INPP5A: variants seen among roughly 807,000 people sequenced by gnomAD.
INPP5A encodes inositol polyphosphate-5-phosphatase A.
In INPP5A, 14 loss-of-function variants were observed where a neutral mutation model predicts 65.2. The observed-to-expected ratio is 0.21, with a 90% CI of 0.14 to 0.34. INPP5A has a LOEUF of 0.34. Among genes scored for constraint, INPP5A ranks in the 10% least tolerant of loss-of-function variants. The pLI is 1.00. For synonymous variants in INPP5A, 207 were observed against 208.3 expected (o/e 0.99, Z 0.05); for missense variants, 431 against 545.6 (o/e 0.79, Z 2.09).
intron 4 of INPP5A, among the ~76,000 whole-genome samples, chr10:132,689,201 G>A (rs1054200579): frequency 3.9e-5 from 6 of 152,212 alleles, no homozygotes; most frequent in African/African-American, 1.4e-4. Context: ...CTGAGGACAG[G>A]CCCTGTTCAG....
intron 11 of INPP5A, among the ~76,000 whole-genome samples, chr10:132,756,274 G>A (rs754034096): frequency 1.6e-4 from 24 of 152,034 alleles, no homozygotes; most frequent in African/African-American, 4.3e-4. Context: ...TGGTGTGTAC[G>A]CATGCGTGTG....
chr10:132,756,748 C>G (rs1259090815), intron 11 of INPP5A, among the ~76,000 whole-genome samples: 1 of 152,248 alleles, frequency 6.6e-6, no homozygotes, highest in Non-Finnish European at 1.5e-5. Flanking sequence ...TACCTGTAAA[C>G]AGCCTCAGGC....
chr10:132,669,421 C>G (rs116675332), intron 4 of INPP5A, among the ~76,000 whole-genome samples: 1 of 152,134 alleles, frequency 6.6e-6, no homozygotes, highest in Non-Finnish European at 1.5e-5. Flanking sequence ...TTCTTAACCT[C>G]AAGGCTTTCT....
chr10:132,641,344 T>G (rs1590887774), intron 2 of INPP5A, among the ~76,000 whole-genome samples: 1 of 152,210 alleles, frequency 6.6e-6, no homozygotes, highest in African/African-American at 2.4e-5. Context: ...ATATAAACTT[T>G]CTTGTTGTGC....
At position 132,782,250 on chromosome 10, in the gene INPP5A, G is replaced by GTT. The variant is rs5789138; in HGVS notation, c.*238_*239dup. On this transcript the variant is annotated 3_prime_UTR_variant, in exon 16 of 16. Coordinates refer to ENST00000368594, the MANE Select transcript of INPP5A (RefSeq NM_005539.5). This position sits in a 1 kb window ranked among gnomAD's most constrained non-coding sequence, Gnocchi z 4.4. ...TATGTGACATTAAGTAGAAATATTG[G>GTT]TTTTTTTTTTTTTTTTTTAAATAAG... The GTT allele has an allele frequency of 2.2e-4, 75 of 335,566 alleles. No individual in the cohort carries two copies. The highest frequency in any genetic ancestry group is 3.4e-4 in the African/African-American group (15 of 43,702). The allele number at this position is 335,566 out of a possible 1,614,324, so 20.8% of individuals were successfully genotyped here.
At chr10:132,708,450 A>G (rs1429273532) in intron 7 of INPP5A, 85 bp downstream of exon 7, 1 of 1,321,944 alleles carries the variant, frequency 7.6e-7, no homozygotes, top group Non-Finnish European at 1.1e-6. Flanking sequence ...CACACACCTC[A>G]TTGGAGGCTC....
rs542495924 is a variant in INPP5A at position 132,603,965 on chromosome 10, C to G, written c.76-3950C>G. On this transcript the variant is annotated intron_variant, in intron 1 of 15. Coordinates refer to ENST00000368594, the MANE Select transcript of INPP5A (RefSeq NM_005539.5). This position sits in a 1 kb window ranked among gnomAD's most constrained non-coding sequence, Gnocchi z 4.2. ...CGTCAAGGTCCCCTCTCCGTCCCGC[C>G]CTGCGCCGTCAGGGTCCCCTCTCCG... 6.6e-6 allele frequency among the ~76,000 whole-genome samples: 1 copy of G among 151,458 alleles called. No individual in the cohort carries two copies. Among genetic ancestry groups the G allele is most frequent in the Non-Finnish European group, 1.5e-5 (1 of 67,870 alleles).
chr10:132,778,087 G>A (rs1847095095), intron 13 of INPP5A, among the ~76,000 whole-genome samples: 1 of 152,198 alleles, frequency 6.6e-6, no homozygotes, highest in South Asian at 2.1e-4. Flanking sequence ...GTGGTTCATT[G>A]TATCCTTGGA....
intron 4 of INPP5A, among the ~76,000 whole-genome samples, chr10:132,680,858 A>G (rs879137855): frequency 1.6e-4 from 24 of 151,328 alleles, no homozygotes; most frequent in East Asian, 7.7e-4. Flanking sequence ...CGCTGCACTC[A>G]ATTTCTCGCT....
rs73397355 is a variant in INPP5A at position 132,586,661 on chromosome 10, C to T, written c.76-21254C>T. ...GGAGTGAAATGGCTGGTTACGGATA[C>T]GTGCGCCAGAGCCTCGTGGTGATGG... On this transcript the variant is annotated intron_variant, in intron 1 of 15. Coordinates refer to ENST00000368594, the MANE Select transcript of INPP5A (RefSeq NM_005539.5). Among the ~76,000 whole-genome samples the T allele has an allele frequency of 7.9e-5, 12 of 152,368 alleles. No individual in the cohort carries two copies. In the South Asian group the frequency reaches 1.7e-3, roughly 21 times the overall value.
intron 5 of INPP5A, among the ~76,000 whole-genome samples, chr10:132,690,960 C>T (rs1192276761): frequency 6.6e-6 from 1 of 152,136 alleles, no homozygotes; most frequent in African/African-American, 2.4e-5. Flanking sequence ...GGCTTCCGTG[C>T]GTGCTCCACA....
At chr10:132,718,237 A>T (rs368804469) in intron 8 of INPP5A, among the ~76,000 whole-genome samples, 2 of 60,196 alleles carry the variant, frequency 3.3e-5, no homozygotes, top group East Asian at 5.2e-4. Flanking sequence ...CTGTCTGGGC[A>T]CCTTAGACGG....
At chr10:132,646,428 C>A (rs1478307847) in intron 3 of INPP5A, among the ~76,000 whole-genome samples, 1 of 152,178 alleles carries the variant, frequency 6.6e-6, no homozygotes, top group Non-Finnish European at 1.5e-5. Flanking sequence ...TGCCCTGAGG[C>A]TTCTGACAGG....
chr10:132,582,569 C>T (rs762632391), intron 1 of INPP5A, among the ~76,000 whole-genome samples: 5 of 152,130 alleles, frequency 3.3e-5, no homozygotes, highest in Non-Finnish European at 7.4e-5. Context: ...AGGCATGCGC[C>T]ACCATGCCCA....
chr10:132,663,470 C>G lies in INPP5A; in HGVS notation c.306+12965C>G, dbSNP rs1177854722. On this transcript the variant is annotated intron_variant, in intron 4 of 15. Coordinates refer to ENST00000368594, the MANE Select transcript of INPP5A (RefSeq NM_005539.5). This position sits in a 1 kb window ranked among gnomAD's most constrained non-coding sequence, Gnocchi z 4.5. ...TCCTGGCCTCAAGTGATCCTCTTGC[C>G]TTGGCCTCTCAAAGTGCTGGGATTA... 6.6e-6 allele frequency among the ~76,000 whole-genome samples: 1 copy of G among 152,208 alleles called. No homozygotes were observed. Among genetic ancestry groups the G allele is most frequent in the Non-Finnish European group, 1.5e-5 (1 of 68,046 alleles).
At chr10:132,564,677 TG>T (rs752773095) in intron 1 of INPP5A, among the ~76,000 whole-genome samples, 4 of 152,188 alleles carry the variant, frequency 2.6e-5, no homozygotes, top group African/African-American at 4.8e-5. Flanking sequence ...CAAATGGCAG[TG>T]AGTGCAGGGC....
chr10:132,749,753 G>A lies in INPP5A; in HGVS notation c.829-18G>A. On this transcript the variant is annotated intron_variant, in intron 10 of 15. Coordinates refer to ENST00000368594, the MANE Select transcript of INPP5A (RefSeq NM_005539.5). ...GCTGGGGGAGCTCAGGTGCTCATGGGCCACTCTGACTTCACAGGTTATGCT... is the reference window on the plus strand; with the variant it reads ...GCTGGGGGAGCTCAGGTGCTCATGGACCACTCTGACTTCACAGGTTATGCT... The A allele has an allele frequency of 1.9e-6, 3 of 1,612,340 alleles. No individual in the cohort carries two copies. Among genetic ancestry groups the A allele is most frequent in the South Asian group, 2.2e-5 (2 of 91,084 alleles).
Position 132,547,748 on chromosome 10 carries a change from C to T in INPP5A, c.75+9577C>T, listed in dbSNP as rs1268856774. On this transcript the variant is annotated intron_variant, in intron 1 of 15. Coordinates refer to ENST00000368594, the MANE Select transcript of INPP5A (RefSeq NM_005539.5). The surrounding 1 kb of genome is among the most constrained non-coding windows in gnomAD (Gnocchi z 5.5). ...GGGTTTTCCTCCTTCACGGGACAGC[C>T]CGCGTGCCCCCAGCCCTGTGACGCG... 6.6e-6 allele frequency among the ~76,000 whole-genome samples: 1 copy of T among 152,070 alleles called. No homozygotes were observed. The highest frequency in any genetic ancestry group is 1.5e-5 in the Non-Finnish European group (1 of 67,990).
Position 132,782,923 on chromosome 10 carries a change from TTGTC to T in INPP5A, c.*900_*903del, listed in dbSNP as rs541058947. ...ACCTTTTAAGAATTTTGTAAACCGT[TTGTC>T]TGTCTTTTGTTACTGTTTTATGGTG... On this transcript the variant is annotated 3_prime_UTR_variant, in exon 16 of 16. Transcript: ENST00000368594. This position sits in a 1 kb window ranked among gnomAD's most constrained non-coding sequence, Gnocchi z 4.4. 88 of 152,540 alleles carry T rather than the reference TTGTC, an allele frequency of 5.8e-4. No homozygotes were observed. Among genetic ancestry groups the T allele is most frequent in the African/African-American group, 2.0e-3 (84 of 41,566 alleles). 9.4% of individuals were successfully genotyped at this position (152,540 alleles called of 1,614,324 possible).
Sources: allele counts gnomAD v4.1 joint callset (sites outside exome capture counted in the v4.1 genomes callset), GRCh38; gene constraint gnomAD v4.1.1; non-coding constraint Gnocchi (gnomAD v3.1); transcripts MANE v1.5; gene names NCBI Gene and HGNC (gene_info 2026-07-23, HGNC 2026-07-21).